Variants in CENPW observed in about 807,000 individuals in gnomAD.
The protein encoded by CENPW is centromere protein W, also known as cancer-up-regulated gene 2 protein.
In CENPW, 3 loss-of-function variants were observed where a neutral mutation model predicts 11.1. That is an observed-to-expected ratio of 0.27 (90% CI 0.12 to 0.70). The LOEUF (loss-of-function observed/expected upper bound fraction) is 0.70, where lower values mean the gene tolerates loss of function less well. CENPW is among the 30% of genes least tolerant of loss of function. CENPW has a pLI of 0.77. For missense variants in CENPW, 100 were observed against 105.6 expected, an observed-to-expected ratio of 0.95 and a Z score of 0.23; for synonymous variants, 38 against 42.0, an observed-to-expected ratio of 0.91 and a Z score of 0.37.
the CENPW span, among the ~76,000 whole-genome samples, chr6:126,439,854 A>G: frequency 6.6e-6 from 1 of 151,618 alleles, no homozygotes; most frequent in Non-Finnish European, 1.5e-5. Context: ...TTTCTGTATC[A>G]TATTTAAACC....
At chr6:126,387,123 G>A in the CENPW span, among the ~76,000 whole-genome samples, 1 of 151,666 alleles carries the variant, frequency 6.6e-6, no homozygotes, top group Non-Finnish European at 1.5e-5. Context: ...AGATTTTCTA[G>A]TTTTTCTTTT....
At chr6:126,418,007 A>T in the CENPW span, among the ~76,000 whole-genome samples, 1 of 152,224 alleles carries the variant, frequency 6.6e-6, no homozygotes, top group Non-Finnish European at 1.5e-5. Context: ...AATGTTCAAC[A>T]TTGTTAGCTC....
At chr6:126,387,328 G>C in the CENPW span, among the ~76,000 whole-genome samples, 1 of 151,942 alleles carries the variant, frequency 6.6e-6, no homozygotes, top group Admixed American at 6.6e-5. Context: ...AGAGTGATTA[G>C]AAGTATTCAT....
At chr6:126,345,436 G>A (rs147171948) in intron 1 of CENPW, among the ~76,000 whole-genome samples, 119 of 152,018 alleles carry the variant, frequency 7.8e-4, no homozygotes, top group African/African-American at 2.6e-3. Flanking sequence ...TGTAAACTTT[G>A]TTGTTTTATA....
At chr6:126,381,647 A>AC in the CENPW span, among the ~76,000 whole-genome samples, 88 of 152,186 alleles carry the variant, frequency 5.8e-4, no homozygotes, top group African/African-American at 2.0e-3. Context: ...CAGCCAACCA[A>AC]CATGCACCTT....
chr6:126,369,724 G>A, the CENPW span, among the ~76,000 whole-genome samples: 1 of 152,112 alleles, frequency 6.6e-6, no homozygotes, highest in Non-Finnish European at 1.5e-5. Flanking sequence ...CCCACTTTGT[G>A]TGTTGTCTGT....
At chr6:126,341,028 A>C (rs1441236001) in intron 1 of CENPW, among the ~76,000 whole-genome samples, 1 of 152,230 alleles carries the variant, frequency 6.6e-6, no homozygotes, top group Non-Finnish European at 1.5e-5. Flanking sequence ...TAGACAAGTA[A>C]TAGAACACCT....
At chr6:126,432,017 A>T in the CENPW span, among the ~76,000 whole-genome samples, 2 of 147,482 alleles carry the variant, frequency 1.4e-5, no homozygotes, top group African/African-American at 5.1e-5. Flanking sequence ...GTGAGCCAAG[A>T]TCACACCACT....
chr6:126,425,469 C>A, the CENPW span, among the ~76,000 whole-genome samples: 2 of 152,058 alleles, frequency 1.3e-5, no homozygotes, highest in African/African-American at 2.4e-5. Flanking sequence ...GATTTAAGGG[C>A]AGTAGCCAAT....
the CENPW span, among the ~76,000 whole-genome samples, chr6:126,436,580 G>A: frequency 4.9e-4 from 75 of 151,586 alleles, no homozygotes; most frequent in African/African-American, 1.6e-3. Flanking sequence ...TGCAGTTTAG[G>A]GTCCAAGCTC....
At chr6:126,424,977 A>C in the CENPW span, among the ~76,000 whole-genome samples, 4 of 152,078 alleles carry the variant, frequency 2.6e-5, no homozygotes, top group Admixed American at 2.6e-4. Flanking sequence ...CTGCTTAGTA[A>C]TATCAAAGAT....
the CENPW span, among the ~76,000 whole-genome samples, chr6:126,471,775 AT>A: frequency 2.1e-3 from 322 of 152,318 alleles, no homozygotes; most frequent in African/African-American, 7.6e-3. Flanking sequence ...AAAGGGTGCA[AT>A]AATTAGAAGG....
chr6:126,442,018 G>A, the CENPW span, among the ~76,000 whole-genome samples: 1 of 151,514 alleles, frequency 6.6e-6, no homozygotes, highest in African/African-American at 2.4e-5. Context: ...GTTCTTTAAG[G>A]AATCTCCACA....
chr6:126,462,398 A>C, the CENPW span, among the ~76,000 whole-genome samples: 1 of 151,908 alleles, frequency 6.6e-6, no homozygotes, highest in Non-Finnish European at 1.5e-5. Context: ...TTCTTTAGAA[A>C]ATTTAAGAAC....
chr6:126,464,773 G>A, the CENPW span, among the ~76,000 whole-genome samples: 12 of 152,074 alleles, frequency 7.9e-5, no homozygotes, highest in African/African-American at 2.7e-4. Flanking sequence ...GCCTATTGTG[G>A]AACTTTATCT....
the CENPW span, among the ~76,000 whole-genome samples, chr6:126,470,848 GC>G: frequency 1.3e-5 from 2 of 152,222 alleles, no homozygotes; most frequent in Non-Finnish European, 2.9e-5. Context: ...AGGGCCTGTG[GC>G]CCCTTTGTTT....
chr6:126,452,189 ATCTCATAG>A, the CENPW span, among the ~76,000 whole-genome samples: 2 of 151,326 alleles, frequency 1.3e-5, no homozygotes, highest in South Asian at 4.1e-4. Flanking sequence ...AGGACCTACT[ATCTCATAG>A]TGTATTATTC....
the CENPW span, among the ~76,000 whole-genome samples, chr6:126,374,324 A>G: frequency 6.6e-6 from 1 of 152,218 alleles, no homozygotes; most frequent in Non-Finnish European, 1.5e-5. Flanking sequence ...TTCTTTAACA[A>G]TAGCAAAGCC....
chr6:126,465,632 T>C, the CENPW span, among the ~76,000 whole-genome samples: 1 of 152,048 alleles, frequency 6.6e-6, no homozygotes, highest in Non-Finnish European at 1.5e-5. Context: ...TAAAGCTACA[T>C]GAATCAAAAC....
Sources: gnomAD v4.1 joint callset for allele counts (sites outside exome capture counted in the v4.1 genomes callset) on GRCh38, gnomAD v4.1.1 for gene constraint, MANE v1.5 for transcripts, NCBI Gene and HGNC (gene_info 2026-07-23, HGNC 2026-07-21) for gene names.